The following TTL variants were observed in gnomAD, a reference collection of about 807,000 sequenced individuals.
The protein encoded by TTL is tubulin tyrosine ligase.
A neutral mutation model predicts 41.1 loss-of-function variants in TTL; 10 were observed. That is an observed-to-expected ratio of 0.24 (90% CI 0.15 to 0.41). The LOEUF (loss-of-function observed/expected upper bound fraction) is 0.41, where lower values mean the gene tolerates loss of function less well. Among genes scored for constraint, TTL ranks in the 10% least tolerant of loss-of-function variants. TTL has a pLI of 1.00. For missense variants in TTL, 367 were observed against 460.4 expected, an observed-to-expected ratio of 0.80 and a Z score of 1.86; for synonymous variants, 175 against 175.5, an observed-to-expected ratio of 1.00 and a Z score of 0.02.
chr2:112,510,000 T>A (rs1187578005), intron 5 of TTL, among the ~76,000 whole-genome samples: 4 of 152,216 alleles, frequency 2.6e-5, no homozygotes, highest in Non-Finnish European at 4.4e-5. Flanking sequence ...TATCAGTCTT[T>A]TCAAAAAATT....
chr2:112,499,880 G>C (rs2458986), intron 3 of TTL, among the ~76,000 whole-genome samples: 73 of 152,306 alleles, frequency 4.8e-4, no homozygotes, highest in African/African-American at 1.6e-3. Context: ...ACCTGCATAC[G>C]TAGTATTCCT....
Position 112,520,365 on chromosome 2 carries a change from T to A in TTL, c.959T>A (p.Met320Lys). 1 of 1,614,180 alleles carries A rather than the reference T, an allele frequency of 6.2e-7. No homozygotes were observed. Among genetic ancestry groups the A allele is most frequent in the Non-Finnish European group, 8.5e-7 (1 of 1,180,034 alleles). Residue 320 changes from methionine to lysine, a missense_variant, in exon 6 of 7, where the codon ATG becomes AAG. Coordinates refer to ENST00000233336, the MANE Select transcript of TTL (RefSeq NM_153712.5). ...TTCCAGCTCTTCGGCTTTGACTTCA[T>A]GGTCGATGAGGAGCTGAAGGTGTGG... ...QSFQLFGFDFMVDEELKVWLI... is the reference protein window; with the variant it reads ...QSFQLFGFDFKVDEELKVWLI...
chr2:112,521,693 AG>A (rs1682235834), intron 6 of TTL, among the ~76,000 whole-genome samples: 1 of 152,150 alleles, frequency 6.6e-6, no homozygotes, highest in Non-Finnish European at 1.5e-5. Flanking sequence ...GCTCTGTATG[AG>A]GCCATGGGTT....
rs1282598783 is a variant in TTL, at chr2:112,535,493, C to A, written c.*6698C>A. 6.6e-6 allele frequency: 1 copy of A among 151,838 alleles called. No individual in the cohort carries two copies. Among genetic ancestry groups the A allele is most frequent in the African/African-American group, 2.4e-5 (1 of 41,294 alleles). 9.4% of individuals were successfully genotyped at this position (151,838 alleles called of 1,614,324 possible). On this transcript the variant is annotated 3_prime_UTR_variant, in exon 7 of 7. Coordinates refer to ENST00000233336, the MANE Select transcript of TTL (RefSeq NM_153712.5). ...CTAAGCAGGAAAGACTCAAAGAGTC[C>A]ACCTCAAGACACACCAGCCACTAAG...
In TTL at chr2:112,536,362, T is replaced by C. The variant is rs1377018839; in HGVS notation, c.*7567T>C. 3 of 152,076 alleles carry C rather than the reference T, an allele frequency of 2.0e-5. No homozygotes were observed. The highest frequency in any genetic ancestry group is 4.8e-5 in the African/African-American group (2 of 41,398). 9.4% of individuals were successfully genotyped at this position (152,076 alleles called of 1,614,324 possible). ...AGCTGGGATTACAGGCATCAGCCAA[T>C]GCACCTGGCAAAACACACTTTAGAT... On this transcript the variant is annotated 3_prime_UTR_variant, in exon 7 of 7. Coordinates refer to ENST00000233336, the MANE Select transcript of TTL (RefSeq NM_153712.5).
At chr2:112,525,324 GAAGA>G (rs1322266013) in intron 6 of TTL, among the ~76,000 whole-genome samples, 1 of 152,142 alleles carries the variant, frequency 6.6e-6, no homozygotes. Context: ...CCAATTCTGT[GAAGA>G]AAGTCATTGG....
chr2:112,495,551 T>C (rs915900234), intron 3 of TTL, among the ~76,000 whole-genome samples: 10 of 152,194 alleles, frequency 6.6e-5, no homozygotes, highest in African/African-American at 2.4e-4. Context: ...ATACGCTCTT[T>C]ATAAAACCAT....
At chr2:112,486,637 GA>G (rs1283787641) in intron 2 of TTL, among the ~76,000 whole-genome samples, 5 of 152,166 alleles carry the variant, frequency 3.3e-5, no homozygotes, top group African/African-American at 9.7e-5. Flanking sequence ...TCACAAAGTG[GA>G]AGGAGACGGT....
chr2:112,497,136 C>G (rs987724911), intron 3 of TTL, among the ~76,000 whole-genome samples: 5 of 151,656 alleles, frequency 3.3e-5, no homozygotes, highest in African/African-American at 1.2e-4. Context: ...CCATCTCAAG[C>G]TCTTGAGTAG....
At chr2:112,525,237 T>C (rs927649747) in intron 6 of TTL, among the ~76,000 whole-genome samples, 1 of 152,232 alleles carries the variant, frequency 6.6e-6, no homozygotes, top group African/African-American at 2.4e-5. Flanking sequence ...TGCCTCCAGC[T>C]TTGTTCTTTT....
chr2:112,503,421 T>A (rs199632358), intron 5 of TTL, among the ~76,000 whole-genome samples: 1 of 103,040 alleles, frequency 9.7e-6, no homozygotes, highest in African/African-American at 3.3e-5. Flanking sequence ...ATATATATAT[T>A]TATATATTTA....
At chr2:112,516,324 C>G (rs993452361) in intron 5 of TTL, among the ~76,000 whole-genome samples, 1 of 152,078 alleles carries the variant, frequency 6.6e-6, no homozygotes, top group African/African-American at 2.4e-5. Flanking sequence ...CAAGGATATC[C>G]CATTGACCCA....
chr2:112,535,383 A>G lies in TTL; in HGVS notation c.*6588A>G, dbSNP rs1317600377. 1 of 152,068 alleles carries G rather than the reference A, an allele frequency of 6.6e-6. No homozygotes were observed. Among genetic ancestry groups the G allele is most frequent in the Non-Finnish European group, 1.5e-5 (1 of 68,004 alleles). 9.4% of individuals were successfully genotyped at this position (152,068 alleles called of 1,614,324 possible). Reference sequence around the variant, plus strand: ...TAAGTGAGAGAGAGGGAAGGGGATAAAACATATACTGGAAGAAATAGTGGC... The same window carrying G: ...TAAGTGAGAGAGAGGGAAGGGGATAGAACATATACTGGAAGAAATAGTGGC... On this transcript the variant is annotated 3_prime_UTR_variant, in exon 7 of 7. Coordinates refer to ENST00000233336, the MANE Select transcript of TTL (RefSeq NM_153712.5).
Position 112,532,817 on chromosome 2 carries a change from A to T in TTL, c.*4022A>T, listed in dbSNP as rs572186671. On this transcript the variant is annotated 3_prime_UTR_variant, in exon 7 of 7. Coordinates refer to ENST00000233336, the MANE Select transcript of TTL (RefSeq NM_153712.5). ...AGGCCAGATGTGCAGTAATTTGCTG[A>T]CCCCAGGATGTTACCCAATACATAA... 1 of 153,468 alleles carries T rather than the reference A, an allele frequency of 6.5e-6. No homozygotes were observed. Among genetic ancestry groups the T allele is most frequent in the Admixed American group, 6.6e-5 (1 of 15,238 alleles). 9.5% of individuals were successfully genotyped at this position (153,468 alleles called of 1,614,324 possible).
At chr2:112,520,502 A>G in intron 6 of TTL, 77 bp downstream of exon 6, 1 of 1,565,972 alleles carries the variant, frequency 6.4e-7, no homozygotes, top group Non-Finnish European at 8.7e-7. Context: ...GTACAAGTGT[A>G]GTCACTTTGA....
rs1228650138 is a variant in TTL, at chr2:112,482,546, T to C, written c.157+45T>C. On this transcript the variant is annotated intron_variant, in intron 1 of 6. Transcript: ENST00000233336. The surrounding 1 kb of genome is among the most constrained non-coding windows in gnomAD (Gnocchi z 5.3). Reference sequence around the variant, plus strand: ...CCGTCTGCCCTCCTCGGAGCGGCCCTGCGCGCCTCCCGCGGCCCGTTAGAA... The same window carrying C: ...CCGTCTGCCCTCCTCGGAGCGGCCCCGCGCGCCTCCCGCGGCCCGTTAGAA... 3 of 1,535,862 alleles carry C rather than the reference T, an allele frequency of 2.0e-6. No homozygotes were observed. The highest frequency in any genetic ancestry group is 2.6e-6 in the Non-Finnish European group (3 of 1,138,416).
chr2:112,494,671 C>T (rs548665884), intron 3 of TTL, among the ~76,000 whole-genome samples: 17 of 152,274 alleles, frequency 1.1e-4, no homozygotes, highest in South Asian at 8.3e-4. Context: ...CCAGCCTGCT[C>T]CTCCTTCACG....
chr2:112,503,257 G>T, intron 5 of TTL, 76 bp downstream of exon 5: 2 of 1,317,194 alleles, frequency 1.5e-6, no homozygotes, highest in South Asian at 1.5e-5. Context: ...TCAAAGAATT[G>T]TTTCATATAA....
chr2:112,515,666 G>A (rs1682048871), intron 5 of TTL, among the ~76,000 whole-genome samples: 1 of 152,160 alleles, frequency 6.6e-6, no homozygotes, highest in Non-Finnish European at 1.5e-5. Flanking sequence ...TTCCCTGCCA[G>A]GCCAGGTGCG....
Sources: gnomAD v4.1 joint callset for allele counts (sites outside exome capture counted in the v4.1 genomes callset) on GRCh38, gnomAD v4.1.1 for gene constraint, Gnocchi (gnomAD v3.1) non-coding constraint, MANE v1.5 for transcripts, NCBI Gene and HGNC (gene_info 2026-07-23, HGNC 2026-07-21) for gene names.